The following CELA3B variants were observed in gnomAD, a reference collection of about 807,000 sequenced individuals.
The protein encoded by CELA3B is chymotrypsin like elastase 3B.
In CELA3B, 34 loss-of-function variants were observed where a neutral mutation model predicts 37.2. The observed-to-expected ratio is 0.91, with a 90% CI of 0.70 to 1.22. The LOEUF (loss-of-function observed/expected upper bound fraction) is 1.22. Among genes scored for constraint, CELA3B ranks in the 50% most tolerant of loss-of-function variants. The pLI, the probability that CELA3B is intolerant of heterozygous loss-of-function variation, is 0.00. For synonymous variants in CELA3B, 127 were observed against 143.5 expected (o/e 0.89, Z 0.82); for missense variants, 340 against 363.1 (o/e 0.94, Z 0.52).
At chr1:21,989,751 C>T (rs1351889705), downstream of CELA3B, among the ~76,000 whole-genome samples, 9 of 151,024 alleles carry the variant, frequency 6.0e-5, no homozygotes, top group Non-Finnish European at 1.3e-4. Flanking sequence ...TCTGCTTCCA[C>T]TGATGGGCTG....
rs757449459 is a variant in CELA3B, at chr1:21,978,430, G to T, written c.105G>T (p.Ala35=). ...PSSRVVNGED[A]VPYSWPWQVS... The stretch of plus-strand genomic sequence containing the variant: ...GCCGCGTTGTCAATGGTGAGGATGC[G>T]GTCCCCTACAGCTGGCCCTGGCAGG... The change falls in exon 2 of 8, where the codon GCG becomes GCT. Residue 35 remains alanine, a synonymous_variant. Coordinates refer to ENST00000337107, the MANE Select transcript of CELA3B (RefSeq NM_007352.4). 5.5e-5 allele frequency: 89 copies of T among 1,613,930 alleles called. No individual in the cohort carries two copies. Among genetic ancestry groups the T allele is most frequent in the Non-Finnish European group, 7.5e-5 (88 of 1,179,932 alleles).
intron 6 of CELA3B, among the ~76,000 whole-genome samples, chr1:21,985,306 C>T (rs112217913): frequency 0.09 from 12,936 of 144,470 alleles, 1,593 homozygotes; most frequent in African/African-American, 0.28. Flanking sequence ...GAGACAGGAT[C>T]TTGCTCTGTT....
chr1:21,995,648 C>G (rs560197336), intron 4 of CELA3B, among the ~76,000 whole-genome samples: 1 of 150,586 alleles, frequency 6.6e-6, no homozygotes, highest in Non-Finnish European at 1.5e-5. Context: ...CCATTTCATG[C>G]TCTATTTTTA....
chr1:21,981,158 G>C lies in CELA3B; in HGVS notation c.348G>C (p.Ser116=), dbSNP rs771802321. 6.2e-7 allele frequency: 1 copy of C among 1,612,112 alleles called. No individual in the cohort carries two copies. The highest frequency in any genetic ancestry group is 8.5e-7 in the Non-Finnish European group (1 of 1,179,974). ...DLFVHPLWNR[S]CVACGNDIAL... is the part of the protein sequence containing the mutation. ...TTGTGCATCCACTCTGGAACCGCTC[G>C]TGTGTGGCCTGTGGGTGAGTGAATG... Residue 116 remains serine (S), a synonymous_variant, in exon 4 of 8, where the codon TCG becomes TCC. Coordinates refer to ENST00000337107, the MANE Select transcript of CELA3B (RefSeq NM_007352.4).
intron 4 of CELA3B, among the ~76,000 whole-genome samples, chr1:21,994,897 C>A (rs1209410749): frequency 2.0e-5 from 3 of 146,936 alleles, no homozygotes; most frequent in Non-Finnish European, 3.0e-5. Context: ...AGCGACTCGG[C>A]AGGCTGAGGT....
At chr1:21,982,921 C>T (rs112411018) in intron 4 of CELA3B, among the ~76,000 whole-genome samples, 125 of 152,114 alleles carry the variant, frequency 8.2e-4, no homozygotes, top group African/African-American at 2.8e-3. Flanking sequence ...CCTCGTGATC[C>T]GCAGCAGTCT....
At chr1:21,988,143 C>T (rs553229427) in intron 7 of CELA3B, among the ~76,000 whole-genome samples, 10 of 151,602 alleles carry the variant, frequency 6.6e-5, no homozygotes, top group Middle Eastern at 3.4e-3. Flanking sequence ...ATCTGGGAGG[C>T]GGAGGTTGCA....
chr1:21,991,805 A>G (rs1174220593), downstream of CELA3B, among the ~76,000 whole-genome samples: 1 of 151,150 alleles, frequency 6.6e-6, no homozygotes, highest in Non-Finnish European at 1.5e-5. Context: ...TTGGCTAAAC[A>G]TACATATTCA....
chr1:21,985,206 C>T (rs975069935), intron 6 of CELA3B, among the ~76,000 whole-genome samples: 10 of 151,584 alleles, frequency 6.6e-5, no homozygotes, highest in African/African-American at 1.9e-4. Flanking sequence ...TTGTTTGAGC[C>T]TGGGAGTTCA....
chr1:21,981,157 C>T lies in CELA3B; in HGVS notation c.347C>T (p.Ser116Leu), dbSNP rs773645202. The T allele has an allele frequency of 7.3e-5, 118 of 1,611,970 alleles. No homozygotes were observed. Among genetic ancestry groups the T allele is most frequent in the Admixed American group, 1.5e-4 (9 of 59,956 alleles). ...TTTGTGCATCCACTCTGGAACCGCT[C>T]GTGTGTGGCCTGTGGGTGAGTGAAT... is the stretch of plus-strand genomic sequence containing the variant. ...DLFVHPLWNR[S>L]CVACGNDIAL... Residue 116 changes from serine (S) to leucine (L), a missense_variant, in exon 4 of 8, where the codon TCG becomes TTG. Ser to Leu is a moderately radical substitution (Grantham distance 145). Transcript: ENST00000337107.
rs533934929 is a variant in CELA3B, at chr1:21,996,759, T to C, written c.505-1392T>C. Among the ~76,000 whole-genome samples the C allele has an allele frequency of 5.4e-4, 82 of 150,964 alleles. 1 individual carries two copies. The highest frequency in any genetic ancestry group is 1.2e-3 in the Admixed American group (18 of 15,168). ...GCCTGTCCCCACTGCCATTGCTCAA[T>C]AACCTCCTTGGATCCCAGCCGGGAT... On this transcript the variant is annotated intron_variant, in intron 4 of 4. Coordinates refer to the CELA3B transcript ENST00000400277.
rs752076893 is a variant in CELA3B, at chr1:21,980,785, G to C, written c.130-39G>C. Reference sequence around the variant, plus strand: ...CCATTGGTGGCAACTCTCATGGTGGGGCCCAGCCCACTGAGGCCCTTTCCT... The same window carrying C: ...CCATTGGTGGCAACTCTCATGGTGGCGCCCAGCCCACTGAGGCCCTTTCCT... On this transcript the variant is annotated intron_variant, in intron 2 of 7. Coordinates refer to ENST00000337107, the MANE Select transcript of CELA3B (RefSeq NM_007352.4). 16 of 1,428,392 alleles carry C rather than the reference G, an allele frequency of 1.1e-5. No individual in the cohort carries two copies. The East Asian group carries it at 3.2e-4, about 28-fold the overall frequency. 88.5% of individuals were successfully genotyped at this position (1,428,392 alleles called of 1,614,324 possible). A position where few individuals can be genotyped will look rare whatever the true frequency, so the allele number is the denominator to read the frequency against.
chr1:21,998,128 T>C, intron 4 of CELA3B: 1 of 469,910 alleles, frequency 2.1e-6, no homozygotes, highest in South Asian at 1.6e-5. Context: ...ACAGCTTAGA[T>C]TTTGAATATC....
In CELA3B at chr1:21,983,777, A is replaced by G. The variant is rs1358437968; in HGVS notation, c.446A>G (p.Asp149Gly). ...VQLASLPPAG[D>G]ILPNETPCYI... is the part of the protein sequence containing the mutation. The stretch of plus-strand genomic sequence containing the variant: ...CTCGCCTCACTCCCTCCGGCTGGTG[A>G]CATCCTTCCCAACGAGACACCCTGC... The change falls in exon 5 of 8, where the codon GAC becomes GGC. Residue 149 changes from aspartate to glycine, a missense_variant. Physicochemically the swap from Asp to Gly is moderately conservative, Grantham distance 94. Transcript: ENST00000337107. 6.2e-7 allele frequency: 1 copy of G among 1,613,932 alleles called. No individual in the cohort carries two copies. The highest frequency in any genetic ancestry group is 1.3e-5 in the African/African-American group (1 of 74,888).
chr1:21,981,566 G>A (rs1464295671), intron 4 of CELA3B, among the ~76,000 whole-genome samples: 1 of 151,766 alleles, frequency 6.6e-6, no homozygotes, highest in Non-Finnish European at 1.5e-5. Flanking sequence ...TGGGCTGAGA[G>A]TCAGGCTCTG....
chr1:21,982,664 A>T (rs1470919702), intron 4 of CELA3B, among the ~76,000 whole-genome samples: 1 of 151,910 alleles, frequency 6.6e-6, no homozygotes. Context: ...GGGATGCAGC[A>T]GTCTGTTTTT....
At chr1:21,988,824 A>T (rs1351501510) in intron 7 of CELA3B, among the ~76,000 whole-genome samples, 1 of 151,930 alleles carries the variant, frequency 6.6e-6, no homozygotes, top group Admixed American at 6.6e-5. Context: ...CAAGAGGTGG[A>T]GGTTGCGGTG....
chr1:21,980,708 T>C (rs1644798718), intron 2 of CELA3B, 116 bp from the exon 3 acceptor site: 1 of 769,272 alleles, frequency 1.3e-6, no homozygotes, highest in Non-Finnish European at 2.1e-6. Context: ...GGTGCTCTTG[T>C]TTTCCGTGTG....
downstream of CELA3B, among the ~76,000 whole-genome samples, chr1:21,991,275 C>T (rs1456072722): frequency 7.2e-6 from 1 of 137,934 alleles, no homozygotes; most frequent in Non-Finnish European, 1.6e-5. Flanking sequence ...CAGGTTCAAG[C>T]GATTCTCCTG....
Sources: allele counts gnomAD v4.1 joint callset (sites outside exome capture counted in the v4.1 genomes callset), GRCh38; gene constraint gnomAD v4.1.1; transcripts MANE v1.5; gene names NCBI Gene and HGNC (gene_info 2026-07-23, HGNC 2026-07-21).